PRKG1: variants seen among roughly 807,000 people sequenced by gnomAD.
PRKG1 encodes cGMP-dependent protein kinase 1.
Under a neutral mutation model 88.1 loss-of-function variants are expected in PRKG1, and 35 were observed. The ratio of observed to expected loss-of-function variants is 0.40; its 90% CI spans 0.30 to 0.53. The LOEUF is 0.53. PRKG1 is among the 20% of genes least tolerant of loss of function. The probability of loss-of-function intolerance (pLI) is 0.59; values close to 1 mark genes in which losing one functional copy is unlikely to be tolerated. For synonymous variants in PRKG1, 303 were observed against 292.5 expected, an observed-to-expected ratio of 1.04 and a Z score of -0.37; for missense variants, 540 against 839.8, an observed-to-expected ratio of 0.64 and a Z score of 4.41.
chr10:52,154,771 C>G (rs1197898023), intron 8 of PRKG1, among the ~76,000 whole-genome samples: 1 of 152,048 alleles, frequency 6.6e-6, no homozygotes, highest in Non-Finnish European at 1.5e-5. Context: ...GTACCCAGTA[C>G]GTAGTCTTTT....
chr10:52,045,085 C>T (rs1391707591), intron 5 of PRKG1, among the ~76,000 whole-genome samples: 2 of 152,212 alleles, frequency 1.3e-5, no homozygotes, highest in East Asian at 3.9e-4. Flanking sequence ...GTACTTCTTG[C>T]CCTAGGTACT....
chr10:51,626,693 T>C (rs2132271010), intron 3 of PRKG1, among the ~76,000 whole-genome samples: 1 of 152,332 alleles, frequency 6.6e-6, no homozygotes, highest in East Asian at 1.9e-4. Flanking sequence ...AATTTCTTCA[T>C]TCTGTAATAT....
chr10:52,069,924 T>C (rs1405433367), intron 7 of PRKG1, among the ~76,000 whole-genome samples: 1 of 150,474 alleles, frequency 6.6e-6, no homozygotes, highest in African/African-American at 2.4e-5. Context: ...CGTTTAGAAG[T>C]TTTACCTTCT....
At chr10:52,241,850 A>G (rs1840870525) in intron 9 of PRKG1, among the ~76,000 whole-genome samples, 1 of 152,218 alleles carries the variant, frequency 6.6e-6, no homozygotes, top group African/African-American at 2.4e-5. Context: ...TTAAGATTAA[A>G]TGTTTCCATC....
intron 5 of PRKG1, among the ~76,000 whole-genome samples, chr10:52,027,778 TTTA>T (rs374863850): frequency 4.0e-5 from 6 of 151,704 alleles, no homozygotes; most frequent in African/African-American, 7.3e-5. Context: ...CTGTTCTATC[TTTA>T]TTATTATTAT....
intron 5 of PRKG1, among the ~76,000 whole-genome samples, chr10:52,024,625 C>A (rs1470058429): frequency 6.6e-6 from 1 of 152,094 alleles, no homozygotes; most frequent in Non-Finnish European, 1.5e-5. Flanking sequence ...TGATGGTTTC[C>A]AGCTTCATCC....
At position 52,269,880 on chromosome 10, in the gene PRKG1, C is replaced by A. The variant is rs1466640434; in HGVS notation, c.1174-1470C>A. On this transcript the variant is annotated intron_variant, in intron 10 of 17. Transcript: ENST00000373980. The stretch of plus-strand genomic sequence containing the variant: ...TGTCTGAGTAAGGCATGTGGAAGAT[C>A]CATGCCTCCTCTGGAGCCACTGGGA... Among the ~76,000 whole-genome samples, 4 of 152,004 alleles carry A rather than the reference C, an allele frequency of 2.6e-5. No individual in the cohort carries two copies. In the East Asian group the frequency reaches 7.7e-4, roughly 29 times the overall value.
At chr10:51,658,497 T>C (rs1840217351) in intron 3 of PRKG1, among the ~76,000 whole-genome samples, 1 of 151,928 alleles carries the variant, frequency 6.6e-6, no homozygotes, top group Non-Finnish European at 1.5e-5. Context: ...AAACATGTCA[T>C]GAATCCCACA....
chr10:51,342,289 T>C (rs1469323171), intron 2 of PRKG1, among the ~76,000 whole-genome samples: 1 of 152,166 alleles, frequency 6.6e-6, no homozygotes, highest in Non-Finnish European at 1.5e-5. Context: ...CCAACCTTCC[T>C]TACAAGGGGA....
chr10:52,066,927 T>C (rs1444424907), intron 7 of PRKG1, among the ~76,000 whole-genome samples: 1 of 152,232 alleles, frequency 6.6e-6, no homozygotes, highest in African/African-American at 2.4e-5. Context: ...TTAACTCATC[T>C]TGATTATTTT....
At chr10:51,504,903 C>T (rs941779103) in intron 3 of PRKG1, among the ~76,000 whole-genome samples, 4 of 152,168 alleles carry the variant, frequency 2.6e-5, no homozygotes, top group South Asian at 2.1e-4. Flanking sequence ...GATATACAAT[C>T]ATGTCATCTG....
chr10:51,975,597 T>C (rs1291881082), intron 5 of PRKG1, among the ~76,000 whole-genome samples: 1 of 152,120 alleles, frequency 6.6e-6, no homozygotes, highest in Non-Finnish European at 1.5e-5. Context: ...AATGTATGTA[T>C]ATTTATAAGT....
chr10:51,169,522 C>A (rs895166339), intron 2 of PRKG1, among the ~76,000 whole-genome samples: 2 of 152,096 alleles, frequency 1.3e-5, no homozygotes, highest in African/African-American at 4.8e-5. Context: ...TTTCTTCTTT[C>A]TTCTCTTAAA....
intron 2 of PRKG1, among the ~76,000 whole-genome samples, chr10:51,229,934 A>AAAAAAAAAAAAAAAG (rs1838793484): frequency 1.4e-5 from 2 of 141,184 alleles, no homozygotes; most frequent in African/African-American, 5.2e-5. Flanking sequence ...CTCAAAAAAA[A>AAAAAAAAAAAAAAAG]AAAAAAAAAA....
chr10:51,437,453 C>G (rs1019244228), intron 2 of PRKG1, among the ~76,000 whole-genome samples: 1 of 151,876 alleles, frequency 6.6e-6, no homozygotes, highest in African/African-American at 2.4e-5. Flanking sequence ...AATGCTTTAT[C>G]TAATGGCCAG....
At chr10:52,109,403 A>G (rs1447386027) in intron 7 of PRKG1, among the ~76,000 whole-genome samples, 1 of 152,216 alleles carries the variant, frequency 6.6e-6, no homozygotes, top group Non-Finnish European at 1.5e-5. Flanking sequence ...CTTGGTTAGG[A>G]AAATACAGGG....
In PRKG1 at chr10:51,413,025, T is replaced by C. The variant is rs72791107; in HGVS notation, c.479-54698T>C. ...CCGGGCCTTATAAAGATTAAAAACT[T>C]GGAAAAGACATTTTGAATCTTAATT... On this transcript the variant is annotated intron_variant, in intron 2 of 17. Coordinates refer to ENST00000373980, the MANE Select transcript of PRKG1 (RefSeq NM_006258.4). Among the ~76,000 whole-genome samples the C allele has an allele frequency of 6.0e-3, 913 of 152,328 alleles. 6 individuals carry two copies. Among genetic ancestry groups the C allele is most frequent in the Non-Finnish European group, 7.8e-3 (529 of 68,030 alleles).
At position 51,272,570 on chromosome 10, in the gene PRKG1, T is replaced by C. The variant is rs566544189; in HGVS notation, c.478+119240T>C. Among the ~76,000 whole-genome samples the C allele has an allele frequency of 2.0e-5, 3 of 152,136 alleles. No individual in the cohort carries two copies. The East Asian group carries it at 5.8e-4, about 29-fold the overall frequency. On this transcript the variant is annotated intron_variant, in intron 2 of 17. Coordinates refer to ENST00000373980, the MANE Select transcript of PRKG1 (RefSeq NM_006258.4). ...TCCACTTTAAGGTTATAAAGAAATG[T>C]AGTTAGAGTCAAAAATTAGTAGAAA...
chr10:51,661,582 G>A (rs866673738), intron 3 of PRKG1, among the ~76,000 whole-genome samples: 2 of 152,272 alleles, frequency 1.3e-5, no homozygotes, highest in African/African-American at 4.8e-5. Flanking sequence ...GGAAACAACA[G>A]GTGCTGGAAA....
Sources: gnomAD v4.1 joint callset for allele counts (sites outside exome capture counted in the v4.1 genomes callset) on GRCh38, gnomAD v4.1.1 for gene constraint, MANE v1.5 for transcripts, NCBI Gene and HGNC (gene_info 2026-07-23, HGNC 2026-07-21) for gene names.